The following RSF1 variants were observed in gnomAD, a reference collection of about 807,000 sequenced individuals.
RSF1 encodes HBV pX-associated protein 8.
In RSF1, 13 loss-of-function variants were observed where a neutral mutation model predicts 145.2. The ratio of observed to expected loss-of-function variants is 0.09; its 90% confidence interval spans 0.06 to 0.14. The LOEUF (loss-of-function observed/expected upper bound fraction) is 0.14. Ranked by LOEUF, RSF1 falls within the 10% of genes least tolerant of loss-of-function variation. The pLI is 1.00. For synonymous variants in RSF1, 577 were observed against 592.6 expected (o/e 0.97, Z 0.38); for missense variants, 1,517 against 1,718.2 (o/e 0.88, Z 2.07).
chr11:77,791,149 C>T (rs1331293876), intron 1 of RSF1, among the ~76,000 whole-genome samples: 1 of 152,224 alleles, frequency 6.6e-6, no homozygotes, highest in African/African-American at 2.4e-5. Context: ...CTAGGTATTT[C>T]CATACATCTT....
the RSF1 span, among the ~76,000 whole-genome samples, chr11:77,830,635 C>G: frequency 1.3e-5 from 2 of 151,974 alleles, no homozygotes; most frequent in Non-Finnish European, 2.9e-5. Context: ...CGCGTTTGCC[C>G]CCCTTTATTC....
Position 77,740,827 on chromosome 11 carries a change from A to C in RSF1, c.482T>G (p.Leu161Arg). The change falls in exon 4 of 16, where the codon CTC (leucine) becomes CGC (arginine). Residue 161 changes from leucine (L) to arginine (R), a missense_variant. By Grantham distance (102) the Leu-to-Arg change is moderately radical. This residue lies in a region of RSF1 where 94 missense variants were observed against 143.6 expected (regional missense o/e 0.65). Coordinates refer to ENST00000308488, the MANE Select transcript of RSF1 (RefSeq NM_016578.4). ...LQPIGRDKDG[L>R]MYWYQLDQDH... ...TTGATCCAATTGGTACCAGTACATG[A>C]GGCCATCTTTGTCTCGACCAATTGG... The C allele has an allele frequency of 6.2e-7, 1 of 1,614,068 alleles. No individual in the cohort carries two copies. The highest frequency in any genetic ancestry group is 2.2e-5 in the East Asian group (1 of 44,882).
At chr11:77,695,683 G>A (rs1419977252) in intron 7 of RSF1, among the ~76,000 whole-genome samples, 2 of 151,980 alleles carry the variant, frequency 1.3e-5, no homozygotes, top group African/African-American at 4.8e-5. Flanking sequence ...ATTTCTTCAA[G>A]AAGCCCTAGC....
chr11:77,735,553 G>A (rs531422951), intron 4 of RSF1, among the ~76,000 whole-genome samples: 15 of 151,698 alleles, frequency 9.9e-5, no homozygotes, highest in African/African-American at 2.9e-4. Context: ...AACACCAGCC[G>A]ATCACCAAGA....
Position 77,666,931 on chromosome 11 carries a change from T to C in RSF1, c.4312A>G (p.Ser1438Gly). Residue 1438 changes from serine to glycine, a missense_variant, in exon 16 of 16, where the codon AGT becomes GGT. Ser to Gly is a moderately conservative substitution (Grantham distance 56). This residue lies in a region of RSF1 where 10 missense variants were observed against 29.5 expected (regional missense o/e 0.34). Transcript: ENST00000308488. ...GAAAAAAAGTCTTATAACTGTTCAC[T>C]GTTACAGACATAATCAACAAGGTCA... ...VTDLVDYVCN[S>G]EQL is the part of the protein sequence containing the mutation. The C allele has an allele frequency of 6.4e-7, 1 of 1,566,132 alleles. No individual in the cohort carries two copies.
the RSF1 span, among the ~76,000 whole-genome samples, chr11:77,849,720 C>G: frequency 6.6e-6 from 1 of 152,136 alleles, no homozygotes; most frequent in South Asian, 2.1e-4. Flanking sequence ...GAAGACCTAG[C>G]TATTCCATAT....
chr11:77,864,934 A>G, the RSF1 span, among the ~76,000 whole-genome samples: 1 of 152,086 alleles, frequency 6.6e-6, no homozygotes. Context: ...CCCTGATTGC[A>G]CCACTGCCCT....
the RSF1 span, among the ~76,000 whole-genome samples, chr11:77,860,781 CT>C: frequency 2.4e-3 from 365 of 152,238 alleles, 1 homozygote; most frequent in African/African-American, 8.6e-3. Flanking sequence ...AAAAGGCATC[CT>C]TAAGGTCCAG....
intron 1 of RSF1, among the ~76,000 whole-genome samples, chr11:77,769,428 T>C (rs945196052): frequency 6.6e-6 from 1 of 152,244 alleles, no homozygotes; most frequent in Non-Finnish European, 1.5e-5. Flanking sequence ...ATCCAAAAAA[T>C]AGTTTTTGTC....
the RSF1 span, among the ~76,000 whole-genome samples, chr11:77,856,834 G>A: frequency 8.3e-4 from 127 of 152,278 alleles, 1 homozygote; most frequent in African/African-American, 3.0e-3. Flanking sequence ...TTCGACATGA[G>A]ATTTGGGCAG....
chr11:77,819,676 T>C (rs749727845), intron 1 of RSF1, among the ~76,000 whole-genome samples: 68 of 151,418 alleles, frequency 4.5e-4, no homozygotes, highest in Non-Finnish European at 7.4e-4. Flanking sequence ...ACCGTGCAAA[T>C]GGGAGGGAGA....
intron 1 of RSF1, among the ~76,000 whole-genome samples, chr11:77,798,049 A>T (rs183913691): frequency 6.6e-6 from 1 of 152,196 alleles, no homozygotes; most frequent in Non-Finnish European, 1.5e-5. Flanking sequence ...ATGCTTTTAC[A>T]CTGTTGGTGG....
chr11:77,869,633 A>G, the RSF1 span: 1 of 1,285,842 alleles, frequency 7.8e-7, no homozygotes. Flanking sequence ...CTCAGTAGAC[A>G]TTTCTTGAAT....
intron 1 of RSF1, among the ~76,000 whole-genome samples, chr11:77,800,504 A>G (rs1444652224): frequency 6.6e-6 from 1 of 152,156 alleles, no homozygotes; most frequent in Non-Finnish European, 1.5e-5. Context: ...AAAAAAAGAA[A>G]AGAAAAAAGT....
intron 1 of RSF1, among the ~76,000 whole-genome samples, chr11:77,791,937 G>C (rs964696288): frequency 3.3e-5 from 5 of 152,042 alleles, no homozygotes; most frequent in African/African-American, 1.2e-4. Context: ...TTCCAAAGTC[G>C]TTTCCACATT....
intron 8 of RSF1, among the ~76,000 whole-genome samples, chr11:77,692,927 C>T (rs1038033291): frequency 7.9e-5 from 12 of 151,890 alleles, no homozygotes; most frequent in South Asian, 4.2e-4. Flanking sequence ...ATGCCCATCT[C>T]GGCCTCCCAA....
chr11:77,830,552 CT>C, the RSF1 span, among the ~76,000 whole-genome samples: 1 of 148,068 alleles, frequency 6.8e-6, no homozygotes, highest in Non-Finnish European at 1.5e-5. Flanking sequence ...GCTCAGGGCC[CT>C]TGTCCACTAG....
In RSF1 at chr11:77,685,296, T is replaced by TATTC. The variant is rs1959973867; in HGVS notation, c.2901-138_2901-137insGAAT. 7 of 410,828 alleles carry TATTC rather than the reference T, an allele frequency of 1.7e-5. No homozygotes were observed. In the South Asian group the frequency reaches 4.1e-4, roughly 24 times the overall value. 25.4% of individuals were successfully genotyped at this position (410,828 alleles called of 1,614,324 possible). On this transcript the variant is annotated intron_variant, in intron 9 of 15. Transcript: ENST00000308488. Reference sequence around the variant, plus strand: ...GGTAAGTCACAGAAATGTTAGCTATTATTTATTTATTTATTTATAGACAAG... The same window carrying TATTC: ...GGTAAGTCACAGAAATGTTAGCTATTATTCATTTATTTATTTATTTATAGACAAG...
At chr11:77,749,596 G>A (rs986836922) in intron 2 of RSF1, among the ~76,000 whole-genome samples, 15 of 152,122 alleles carry the variant, frequency 9.9e-5, no homozygotes, top group African/African-American at 3.6e-4. Flanking sequence ...CTACTGATTC[G>A]CATCTATGTG....
Sources: allele counts gnomAD v4.1 joint callset (sites outside exome capture counted in the v4.1 genomes callset), GRCh38; gene constraint gnomAD v4.1.1; regional missense constraint gnomAD v4.1.1; transcripts MANE v1.5; gene names NCBI Gene and HGNC (gene_info 2026-07-23, HGNC 2026-07-21).